Variants in GRM8 observed in about 807,000 individuals in gnomAD.
GRM8 encodes glutamate metabotropic receptor 8.
In GRM8, 47 loss-of-function variants were observed where a neutral mutation model predicts 87.2. The ratio of observed to expected loss-of-function variants is 0.54; its 90% CI spans 0.43 to 0.69. The LOEUF (loss-of-function observed/expected upper bound fraction) is 0.69. Among genes scored for constraint, GRM8 ranks in the 30% least tolerant of loss-of-function variants. The pLI is 0.00. For missense variants in GRM8, 1,019 were observed against 1,139.2 expected (o/e 0.89, Z 1.52); for synonymous variants, 396 against 404.5 (o/e 0.98, Z 0.25).
intron 9 of GRM8, among the ~76,000 whole-genome samples, chr7:126,504,449 A>G (rs1261371931): frequency 6.6e-6 from 1 of 151,998 alleles, no homozygotes; most frequent in Non-Finnish European, 1.5e-5. Context: ...GATAATGTGT[A>G]TGTATGGTGC....
chr7:126,491,201 C>T (rs1341919113), intron 9 of GRM8, among the ~76,000 whole-genome samples: 2 of 152,062 alleles, frequency 1.3e-5, no homozygotes, highest in Non-Finnish European at 2.9e-5. Flanking sequence ...CCGTTACTAG[C>T]ATCTTATGGC....
At chr7:126,733,985 A>G (rs1324745821) in intron 7 of GRM8, among the ~76,000 whole-genome samples, 1 of 152,088 alleles carries the variant, frequency 6.6e-6, no homozygotes, top group Non-Finnish European at 1.5e-5. Flanking sequence ...TGCTACTTAA[A>G]AATTATTATT....
At chr7:126,696,536 A>G (rs1192481816) in intron 7 of GRM8, among the ~76,000 whole-genome samples, 5 of 152,162 alleles carry the variant, frequency 3.3e-5, no homozygotes, top group Admixed American at 3.3e-4. Flanking sequence ...CAGTGGTAAC[A>G]CATGGAAGCC....
At chr7:126,764,026 T>C (rs1215605461) in intron 7 of GRM8, among the ~76,000 whole-genome samples, 4 of 151,978 alleles carry the variant, frequency 2.6e-5, no homozygotes, top group African/African-American at 9.6e-5. Flanking sequence ...GTATTAACAA[T>C]GACTTCTTAA....
At chr7:126,975,770 A>G (rs1292303233) in intron 3 of GRM8, among the ~76,000 whole-genome samples, 2 of 152,216 alleles carry the variant, frequency 1.3e-5, no homozygotes, top group African/African-American at 4.8e-5. Flanking sequence ...ATAACAAGAA[A>G]ATAAAATACT....
In GRM8 at chr7:126,955,495, C is replaced by T. The variant is rs151169550; in HGVS notation, c.728-50812G>A. On this transcript the variant is annotated intron_variant, in intron 3 of 10. Transcript: ENST00000339582. ...AATAAATAAAAGGGACTCCAAGTCA[C>T]CAGTTACGCCAGCAGTTTGCAAAAA... is the stretch of plus-strand genomic sequence containing the variant. Among the ~76,000 whole-genome samples the T allele has an allele frequency of 7.9e-3, 1,196 of 152,254 alleles. 14 individuals are homozygous for T. Among genetic ancestry groups the T allele is most frequent in the African/African-American group, 0.027 (1,130 of 41,546 alleles).
intron 8 of GRM8, among the ~76,000 whole-genome samples, chr7:126,590,881 C>T (rs1029541591): frequency 2.6e-5 from 4 of 152,122 alleles, no homozygotes; most frequent in African/African-American, 9.6e-5. Flanking sequence ...TGCTCTAAAT[C>T]TTGAAACAAA....
intron 6 of GRM8, among the ~76,000 whole-genome samples, chr7:126,790,358 T>G (rs1821150289): frequency 6.6e-6 from 1 of 152,170 alleles, no homozygotes; most frequent in South Asian, 2.1e-4. Flanking sequence ...TTTTAAAAAA[T>G]GCATAATACT....
intron 2 of GRM8, among the ~76,000 whole-genome samples, chr7:127,149,675 T>C (rs1015145672): frequency 6.6e-6 from 1 of 152,036 alleles, no homozygotes; most frequent in South Asian, 2.1e-4. Context: ...TGTCAGCTAA[T>C]GGACAGATGG....
chr7:126,532,764 GATATATATAT>G (rs521), intron 9 of GRM8, among the ~76,000 whole-genome samples, 178 bp downstream of exon 9: 210 of 110,922 alleles, frequency 1.9e-3, no homozygotes, highest in African/African-American at 3.2e-3. Flanking sequence ...GACGGATGGA[GATATATATAT>G]ATATATATAT....
intron 7 of GRM8, among the ~76,000 whole-genome samples, chr7:126,690,837 A>G (rs944630809): frequency 1.3e-5 from 2 of 152,152 alleles, no homozygotes; most frequent in East Asian, 3.9e-4. Context: ...GAGGAGACCC[A>G]TAATGTGTAG....
At chr7:126,511,290 A>G (rs1349734707) in intron 9 of GRM8, 3 of 152,056 alleles carry the variant, frequency 2.0e-5, no homozygotes, top group Non-Finnish European at 2.9e-5. Flanking sequence ...ATCAAATTCC[A>G]ACAGCTGCTG....
At chr7:126,748,116 G>T (rs1815928366) in intron 7 of GRM8, among the ~76,000 whole-genome samples, 1 of 151,942 alleles carries the variant, frequency 6.6e-6, no homozygotes, top group Non-Finnish European at 1.5e-5. Context: ...GTCTTAGTTT[G>T]TGTTTTTCCA....
chr7:126,958,080 C>T (rs561040268), intron 3 of GRM8, among the ~76,000 whole-genome samples: 1 of 152,278 alleles, frequency 6.6e-6, no homozygotes, highest in South Asian at 2.1e-4. Flanking sequence ...GGGGTCTCCT[C>T]AACTTGTTGA....
At chr7:126,840,448 T>C (rs1796169532) in intron 6 of GRM8, among the ~76,000 whole-genome samples, 1 of 152,218 alleles carries the variant, frequency 6.6e-6, no homozygotes, top group Non-Finnish European at 1.5e-5. Flanking sequence ...GATGATACAG[T>C]ATTTTCATCT....
chr7:126,921,496 C>CA (rs1421544816), intron 3 of GRM8, among the ~76,000 whole-genome samples: 1 of 151,552 alleles, frequency 6.6e-6, no homozygotes, highest in Non-Finnish European at 1.5e-5. Flanking sequence ...AAAATACCAG[C>CA]AAAAAGAAAA....
In GRM8 at chr7:126,722,907, TA is replaced by T. The variant is rs1191618298; in HGVS notation, c.1357+46957del. 4.1e-5 allele frequency among the ~76,000 whole-genome samples: 6 copies of T among 146,774 alleles called. No homozygotes were observed. In the East Asian group the frequency reaches 1.2e-3, roughly 29 times the overall value. On this transcript the variant is annotated intron_variant, in intron 7 of 10. Transcript: ENST00000339582. ...GCCTGTGAAAAAAAATATATATAAT[TA>T]TATATATAATATGTTATATATAATA...
chr7:127,233,108 G>A (rs748270758), intron 2 of GRM8, among the ~76,000 whole-genome samples: 7 of 152,152 alleles, frequency 4.6e-5, no homozygotes, highest in Non-Finnish European at 5.9e-5. Flanking sequence ...GAGATTACAG[G>A]TGTGAGCCAC....
rs75861683 is a variant in GRM8 at position 126,944,995 on chromosome 7, C to A, written c.728-40312G>T. On this transcript the variant is annotated intron_variant, in intron 3 of 10. Coordinates refer to ENST00000339582, the MANE Select transcript of GRM8 (RefSeq NM_000845.3). Reference sequence around the variant, plus strand: ...AACTGTGAGTTAAGATATGGGGAAGCTTTTATATCCTTCTGGTGGGTGAGG... The same window carrying A: ...AACTGTGAGTTAAGATATGGGGAAGATTTTATATCCTTCTGGTGGGTGAGG... 6.3e-3 allele frequency among the ~76,000 whole-genome samples: 962 copies of A among 152,194 alleles called. 12 individuals are homozygous for A. Among genetic ancestry groups the A allele is most frequent in the African/African-American group, 0.022 (905 of 41,522 alleles).
Sources: allele counts gnomAD v4.1 joint callset (sites outside exome capture counted in the v4.1 genomes callset), GRCh38; gene constraint gnomAD v4.1.1; transcripts MANE v1.5; gene names NCBI Gene and HGNC (gene_info 2026-07-23, HGNC 2026-07-21).